CREBRF: variants seen among roughly 807,000 people sequenced by gnomAD.
The protein encoded by CREBRF is UPF0474 protein C5orf41.
In CREBRF, 5 loss-of-function variants were observed where a neutral mutation model predicts 66.1. The ratio of observed to expected loss-of-function variants is 0.08; its 90% CI spans 0.04 to 0.16. The LOEUF is 0.16. CREBRF is among the 10% of genes least tolerant of loss of function. CREBRF has a pLI of 1.00. For missense variants in CREBRF, 531 were observed against 744.9 expected, an observed-to-expected ratio of 0.71 and a Z score of 3.34; for synonymous variants, 229 against 264.4, an observed-to-expected ratio of 0.87 and a Z score of 1.30.
chr5:173,116,616 T>A (rs554161210), intron 7 of CREBRF, among the ~76,000 whole-genome samples: 2 of 152,356 alleles, frequency 1.3e-5, no homozygotes, highest in East Asian at 3.8e-4. Context: ...CTACAATTTG[T>A]TTATCTCTTC....
chr5:173,133,586 C>T (rs1167460303), intron 8 of CREBRF, 44 bp from the exon 9 acceptor site: 5 of 1,162,210 alleles, frequency 4.3e-6, no homozygotes, highest in Non-Finnish European at 6.4e-6. Context: ...CCTTCATGGC[C>T]TTCCATTTTT....
In CREBRF at chr5:173,104,905, A is replaced by T. The variant is rs553652030; in HGVS notation, c.1223-3719A>T. Among the ~76,000 whole-genome samples the T allele has an allele frequency of 2.5e-4, 38 of 152,320 alleles. No individual in the cohort carries two copies. The South Asian group carries it at 7.9e-3, about 32-fold the overall frequency. On this transcript the variant is annotated intron_variant, in intron 4 of 8. Coordinates refer to ENST00000296953, the MANE Select transcript of CREBRF (RefSeq NM_153607.3). ...GTAATTTGGGTGGGACAGAAGAAAT[A>T]AAAAAATCTTCATGATTCTTTAAAC...
At chr5:173,129,823 TG>T (rs1759372363) in intron 8 of CREBRF, among the ~76,000 whole-genome samples, 1 of 152,100 alleles carries the variant, frequency 6.6e-6, no homozygotes, top group Non-Finnish European at 1.5e-5. Flanking sequence ...TAGATTTTTT[TG>T]TTTGTTTGTT....
At chr5:173,075,503 A>G (rs958898753) in intron 1 of CREBRF, among the ~76,000 whole-genome samples, 1 of 152,196 alleles carries the variant, frequency 6.6e-6, no homozygotes, top group Non-Finnish European at 1.5e-5. Context: ...CTTGCAGAGT[A>G]GAGTAGTTTT....
At chr5:173,062,509 A>C (rs748425515) in intron 1 of CREBRF, among the ~76,000 whole-genome samples, 163 of 152,240 alleles carry the variant, frequency 1.1e-3, no homozygotes, top group Non-Finnish European at 2.1e-3. Flanking sequence ...TAGAGAAGCT[A>C]TTTTGATGAT....
intron 1 of CREBRF, among the ~76,000 whole-genome samples, chr5:173,061,601 A>G (rs1757275298): frequency 6.6e-6 from 1 of 152,242 alleles, no homozygotes; most frequent in African/African-American, 2.4e-5. Context: ...AAAGCTGTAT[A>G]GCTGTTTCAA....
chr5:173,063,377 A>AT (rs996845695), intron 1 of CREBRF, among the ~76,000 whole-genome samples: 2 of 151,492 alleles, frequency 1.3e-5, no homozygotes, highest in African/African-American at 2.4e-5. Flanking sequence ...CTTCTTCTCT[A>AT]TTTTTTTTGA....
At chr5:173,099,455 T>C (rs1020114704) in intron 4 of CREBRF, among the ~76,000 whole-genome samples, 1 of 152,138 alleles carries the variant, frequency 6.6e-6, no homozygotes, top group Non-Finnish European at 1.5e-5. Flanking sequence ...TATGCCTGGC[T>C]ATATGCATCC....
chr5:173,126,617 C>T (rs1027352958), intron 8 of CREBRF, among the ~76,000 whole-genome samples: 1 of 152,190 alleles, frequency 6.6e-6, no homozygotes, highest in African/African-American at 2.4e-5. Flanking sequence ...AGCTGCAGTT[C>T]TCAAGTTGAC....
intron 4 of CREBRF, among the ~76,000 whole-genome samples, chr5:173,099,318 G>A (rs1472769487): frequency 6.6e-6 from 1 of 152,072 alleles, no homozygotes; most frequent in East Asian, 1.9e-4. Context: ...CCCATACCCA[G>A]CTAATTTTGG....
At chr5:173,062,498 T>C (rs1757303995) in intron 1 of CREBRF, among the ~76,000 whole-genome samples, 2 of 152,210 alleles carry the variant, frequency 1.3e-5, no homozygotes, top group South Asian at 4.1e-4. Context: ...AAGAAAGTTT[T>C]TAGAGAAGCT....
chr5:173,065,560 A>C (rs1757408335), intron 1 of CREBRF, among the ~76,000 whole-genome samples: 1 of 148,334 alleles, frequency 6.7e-6, no homozygotes, highest in African/African-American at 2.5e-5. Context: ...TTTCATTCTG[A>C]CTCTATTTGT....
At chr5:173,088,668 T>TA (rs1758239757) in intron 3 of CREBRF, among the ~76,000 whole-genome samples, 2 of 152,090 alleles carry the variant, frequency 1.3e-5, no homozygotes, top group Middle Eastern at 3.4e-3. Flanking sequence ...TGCATATACT[T>TA]AATCATTTAT....
In CREBRF at chr5:173,089,740, T is replaced by C. The variant is rs371012673; in HGVS notation, c.136-575T>C. Among the ~76,000 whole-genome samples the C allele has an allele frequency of 7.2e-5, 11 of 152,252 alleles. No homozygotes were observed. In the East Asian group the frequency reaches 1.2e-3, roughly 16 times the overall value. On this transcript the variant is annotated intron_variant, in intron 3 of 8. Transcript: ENST00000296953. ...TACTCTGCCTGCCCAAGTGTTGTTA[T>C]AAGGTCTTGCAAAAGATCTTACCAT...
intron 7 of CREBRF, among the ~76,000 whole-genome samples, chr5:173,119,617 G>A (rs1759088631): frequency 2.0e-5 from 3 of 152,040 alleles, no homozygotes; most frequent in Admixed American, 2.0e-4. Context: ...TGATCTTTAT[G>A]GCTTTTGTTT....
At chr5:173,075,480 G>A (rs1421574802) in intron 1 of CREBRF, among the ~76,000 whole-genome samples, 1 of 152,148 alleles carries the variant, frequency 6.6e-6, no homozygotes, top group Non-Finnish European at 1.5e-5. Context: ...CTGAAGGACT[G>A]TTTTGTTCTA....
chr5:173,067,999 C>CA (rs994266259), intron 1 of CREBRF: 9,342 of 272,934 alleles, frequency 0.034, 4 homozygotes, highest in South Asian at 0.059. Flanking sequence ...GACTCCACCT[C>CA]AAAAAAAAAA....
chr5:173,131,555 T>C (rs928259220), intron 8 of CREBRF, among the ~76,000 whole-genome samples: 3 of 152,210 alleles, frequency 2.0e-5, no homozygotes, highest in Admixed American at 1.3e-4. Flanking sequence ...TGTTTCCTCA[T>C]GACTAAATGC....
Position 173,136,132 on chromosome 5 carries a change from A to G in CREBRF, c.*2387A>G, listed in dbSNP as rs1434268182. The G allele has an allele frequency of 3.9e-5, 6 of 152,452 alleles. No individual in the cohort carries two copies. Among genetic ancestry groups the G allele is most frequent in the African/African-American group, 1.4e-4 (6 of 41,432 alleles). The allele number at this position is 152,452 out of a possible 1,614,324, so 9.4% of individuals were successfully genotyped here. On this transcript the variant is annotated 3_prime_UTR_variant, in exon 9 of 9. Coordinates refer to ENST00000296953, the MANE Select transcript of CREBRF (RefSeq NM_153607.3). Reference sequence around the variant, plus strand: ...TGATATTCAGCTGATAAGGTTTATAAAATTGCCCCTTTCTAGCTGCTCTGT... The same window carrying G: ...TGATATTCAGCTGATAAGGTTTATAGAATTGCCCCTTTCTAGCTGCTCTGT...
Sources: gnomAD v4.1 joint callset for allele counts (sites outside exome capture counted in the v4.1 genomes callset) on GRCh38, gnomAD v4.1.1 for gene constraint, MANE v1.5 for transcripts, NCBI Gene and HGNC (gene_info 2026-07-23, HGNC 2026-07-21) for gene names.